TMEM233: variants seen among roughly 807,000 people sequenced by gnomAD.
TMEM233 encodes the protein transmembrane protein 233, also known as dispanin subfamily B member 2.
A neutral mutation model predicts 11.2 loss-of-function variants in TMEM233; 6 were observed. That is an observed-to-expected ratio of 0.54 (90% CI 0.29 to 1.06). The LOEUF (loss-of-function observed/expected upper bound fraction) is 1.06, where lower values mean the gene tolerates loss of function less well. Ranked by LOEUF, TMEM233 falls within the 50% of genes least tolerant of loss-of-function variation. The pLI, the probability that TMEM233 is intolerant of heterozygous loss-of-function variation, is 0.08. For synonymous variants in TMEM233, 59 were observed against 55.8 expected (o/e 1.06, Z -0.26); for missense variants, 127 against 144.7 (o/e 0.88, Z 0.63).
intron 1 of TMEM233, among the ~76,000 whole-genome samples, chr12:119,612,761 A>G (rs1395340666): frequency 1.3e-5 from 2 of 151,560 alleles, no homozygotes; most frequent in Admixed American, 6.6e-5. Context: ...AAAAAAAAAA[A>G]AAAAAAAAAT....
intron 1 of TMEM233, among the ~76,000 whole-genome samples, chr12:119,607,341 C>T (rs1010953817): frequency 5.9e-5 from 9 of 152,278 alleles, no homozygotes; most frequent in African/African-American, 1.9e-4. Flanking sequence ...CTCAGAGCTC[C>T]AGTGGCGCAA....
intron 2 of TMEM233, among the ~76,000 whole-genome samples, chr12:119,633,939 G>A (rs202056274): frequency 2.7e-5 from 4 of 150,878 alleles, no homozygotes; most frequent in Non-Finnish European, 3.0e-5. Context: ...CAGAAGTGGG[G>A]TTCAAGAACA....
At chr12:119,598,569 T>A (rs1003256022) in intron 1 of TMEM233, among the ~76,000 whole-genome samples, 1 of 152,156 alleles carries the variant, frequency 6.6e-6, no homozygotes, top group Non-Finnish European at 1.5e-5. Context: ...CAAATACCAG[T>A]AGCACCCCAA....
chr12:119,594,300 C>T lies in TMEM233; in HGVS notation c.186+266C>T. ...TAGCTTTCCTCTTCTTTCCAGCTCC[C>T]AGGGTGCGTTTCCTCTCCAACCCGG... On this transcript the variant is annotated intron_variant, in intron 1 of 2. Coordinates refer to ENST00000426426, the MANE Select transcript of TMEM233 (RefSeq NM_001136534.3). This position sits in a 1 kb window ranked among gnomAD's most constrained non-coding sequence, Gnocchi z 5.6. 2.2e-6 allele frequency: 1 copy of T among 450,642 alleles called. No individual in the cohort carries two copies. Among genetic ancestry groups the T allele is most frequent in the Non-Finnish European group, 4.0e-6 (1 of 252,910 alleles). 27.9% of individuals were successfully genotyped at this position (450,642 alleles called of 1,614,324 possible).
intron 1 of TMEM233, among the ~76,000 whole-genome samples, chr12:119,621,196 G>A (rs193150934): frequency 6.6e-6 from 1 of 152,218 alleles, no homozygotes; most frequent in Admixed American, 6.5e-5. Context: ...CTACAAGCAT[G>A]TGCCACCACG....
intron 2 of TMEM233, among the ~76,000 whole-genome samples, chr12:119,638,927 C>G (rs1349571818): frequency 2.0e-5 from 3 of 151,958 alleles, no homozygotes; most frequent in Non-Finnish European, 4.4e-5. Flanking sequence ...TTTACAAGCC[C>G]TGCATGATCT....
intron 2 of TMEM233, among the ~76,000 whole-genome samples, chr12:119,637,940 T>A (rs548302161): frequency 4.5e-4 from 69 of 152,322 alleles, no homozygotes; most frequent in African/African-American, 1.6e-3. Context: ...AATATCAAGG[T>A]TGACCAGGAT....
chr12:119,599,306 G>A (rs1004583591), intron 1 of TMEM233, among the ~76,000 whole-genome samples: 1 of 152,018 alleles, frequency 6.6e-6, no homozygotes, highest in Non-Finnish European at 1.5e-5. Context: ...TGTCTGTAAC[G>A]TAAAGGATAA....
In TMEM233 at chr12:119,608,094, A is replaced by G. The variant is rs115971465; in HGVS notation, c.186+14060A>G. ...CAAAGTTAATGCTTGGAGAGTTAACACAAGTTTTGCTGTTGTTTTTGTTTT... is the reference window on the plus strand; with the variant it reads ...CAAAGTTAATGCTTGGAGAGTTAACGCAAGTTTTGCTGTTGTTTTTGTTTT... On this transcript the variant is annotated intron_variant, in intron 1 of 2. Transcript: ENST00000426426. Among the ~76,000 whole-genome samples the G allele has an allele frequency of 4.8e-3, 725 of 152,304 alleles. 10 individuals are homozygous for G. Among genetic ancestry groups the G allele is most frequent in the African/African-American group, 0.016 (680 of 41,568 alleles).
chr12:119,596,487 CTTTT>C (rs34129084), intron 1 of TMEM233, among the ~76,000 whole-genome samples: 3 of 90,384 alleles, frequency 3.3e-5, no homozygotes, highest in African/African-American at 9.0e-5. Context: ...AAGTTTGTAT[CTTTT>C]TTTTTTTTTT....
At chr12:119,603,392 A>G (rs1387815275) in intron 1 of TMEM233, among the ~76,000 whole-genome samples, 1 of 152,236 alleles carries the variant, frequency 6.6e-6, no homozygotes, top group African/African-American at 2.4e-5. Flanking sequence ...GAGTTGGCCA[A>G]AAAGGCTGTG....
At chr12:119,634,853 T>G (rs965938489) in intron 2 of TMEM233, among the ~76,000 whole-genome samples, 2 of 152,188 alleles carry the variant, frequency 1.3e-5, no homozygotes, top group African/African-American at 4.8e-5. Context: ...TTCGTCCTAT[T>G]TTACAGGATA....
At chr12:119,630,872 G>A (rs1439741283) in intron 2 of TMEM233, among the ~76,000 whole-genome samples, 1 of 152,192 alleles carries the variant, frequency 6.6e-6, no homozygotes, top group East Asian at 1.9e-4. Context: ...TAGCATAACT[G>A]TTTTAGTTTA....
At chr12:119,597,674 TC>T (rs1361009866) in intron 1 of TMEM233, among the ~76,000 whole-genome samples, 2 of 151,978 alleles carry the variant, frequency 1.3e-5, no homozygotes, top group African/African-American at 2.4e-5. Context: ...ACCAGGGGAG[TC>T]CTGGGGTCCT....
At chr12:119,628,770 G>A (rs1301780321) in intron 1 of TMEM233, among the ~76,000 whole-genome samples, 3 of 151,904 alleles carry the variant, frequency 2.0e-5, no homozygotes, top group Non-Finnish European at 4.4e-5. Context: ...AAAGTGCTGG[G>A]ATTACAGGCA....
At chr12:119,621,391 C>T (rs1954640414) in intron 1 of TMEM233, among the ~76,000 whole-genome samples, 1 of 152,138 alleles carries the variant, frequency 6.6e-6, no homozygotes, top group South Asian at 2.1e-4. Flanking sequence ...CTATGTTGCC[C>T]AGGCTGGTCT....
intron 1 of TMEM233, among the ~76,000 whole-genome samples, chr12:119,622,314 T>C (rs1037544318): frequency 1.3e-5 from 2 of 152,206 alleles, no homozygotes; most frequent in East Asian, 1.9e-4. Flanking sequence ...AGATTTACTA[T>C]TGACTGCATG....
intron 1 of TMEM233, among the ~76,000 whole-genome samples, chr12:119,604,998 C>CTCTTTTTTTTTTT: frequency 7.1e-6 from 1 of 141,458 alleles, no homozygotes; most frequent in Non-Finnish European, 1.5e-5. Flanking sequence ...CCCTCACTAT[C>CTCTTTTTTTTTTT]TTTTTTTTTT....
chr12:119,618,660 G>A (rs1193472175), intron 1 of TMEM233, among the ~76,000 whole-genome samples: 1 of 152,150 alleles, frequency 6.6e-6, no homozygotes, highest in Non-Finnish European at 1.5e-5. Flanking sequence ...GACTTGCATG[G>A]GGCCTGTAGC....
Sources: gnomAD v4.1 joint callset for allele counts (sites outside exome capture counted in the v4.1 genomes callset) on GRCh38, gnomAD v4.1.1 for gene constraint, Gnocchi (gnomAD v3.1) non-coding constraint, MANE v1.5 for transcripts, NCBI Gene and HGNC (gene_info 2026-07-23, HGNC 2026-07-21) for gene names.